KCNH5: variants seen among roughly 807,000 people sequenced by gnomAD.
The protein encoded by KCNH5 is potassium voltage-gated channel subfamily H member 5, also known as voltage-gated delayed rectifier potassium channel KCNH5.
In KCNH5, 46 loss-of-function variants were observed where a neutral mutation model predicts 96.1. That is an observed-to-expected ratio of 0.48 (90% CI 0.38 to 0.61). The LOEUF is 0.61. Ranked by LOEUF, KCNH5 falls within the 20% of genes least tolerant of loss-of-function variation. KCNH5 has a pLI of 0.00. For synonymous variants in KCNH5, 439 were observed against 449.8 expected (o/e 0.98, Z 0.30); for missense variants, 907 against 1,225.8 (o/e 0.74, Z 3.88).
At chr14:63,032,101 C>CAAA (rs33955186) in intron 1 of KCNH5, among the ~76,000 whole-genome samples, 1 of 87,534 alleles carries the variant, frequency 1.1e-5, no homozygotes, top group Admixed American at 1.2e-4. Flanking sequence ...AAGGACTTCA[C>CAAA]AAAAAAAAAA....
At chr14:62,966,835 C>T (rs1890313860) in intron 6 of KCNH5, among the ~76,000 whole-genome samples, 1 of 152,124 alleles carries the variant, frequency 6.6e-6, no homozygotes, top group African/African-American at 2.4e-5. Context: ...TAATAAAGCC[C>T]ACTCCCCTAG....
At chr14:62,912,352 C>A (rs115812416) in intron 7 of KCNH5, among the ~76,000 whole-genome samples, 1,670 of 151,994 alleles carry the variant, frequency 0.011, 44 homozygotes, top group African/African-American at 0.038. Context: ...AAATCAGAAT[C>A]CAGTCTGCTA....
chr14:62,767,653 T>C (rs1321721787), intron 10 of KCNH5, among the ~76,000 whole-genome samples: 2 of 152,060 alleles, frequency 1.3e-5, no homozygotes, highest in South Asian at 2.1e-4. Flanking sequence ...AAGGGAACAA[T>C]AGACACCAGA....
At chr14:62,853,472 T>G (rs1279748503) in intron 7 of KCNH5, among the ~76,000 whole-genome samples, 4 of 112,884 alleles carry the variant, frequency 3.5e-5, no homozygotes, top group Admixed American at 1.7e-4. Flanking sequence ...TATATATATA[T>G]ATATATATCA....
At chr14:63,000,338 G>T (rs1046568851) in intron 4 of KCNH5, among the ~76,000 whole-genome samples, 1 of 152,088 alleles carries the variant, frequency 6.6e-6, no homozygotes, top group African/African-American at 2.4e-5. Flanking sequence ...TACTTCTAAG[G>T]TTATTTGAAA....
At chr14:62,965,005 T>C (rs144950476) in intron 6 of KCNH5, among the ~76,000 whole-genome samples, 2 of 152,230 alleles carry the variant, frequency 1.3e-5, no homozygotes, top group African/African-American at 4.8e-5. Flanking sequence ...TTTATGAAGA[T>C]AGGGAAGGAT....
At chr14:62,979,040 C>T (rs928555673) in intron 6 of KCNH5, among the ~76,000 whole-genome samples, 1 of 152,036 alleles carries the variant, frequency 6.6e-6, no homozygotes, top group East Asian at 1.9e-4. Flanking sequence ...TGTATTCTTC[C>T]ACCATCTCTC....
intron 4 of KCNH5, among the ~76,000 whole-genome samples, chr14:62,992,742 A>G (rs1288615313): frequency 6.6e-6 from 1 of 151,964 alleles, no homozygotes. Context: ...TAGTTTGCAG[A>G]TACTTTCTTC....
At chr14:62,799,060 C>T (rs1886595448) in intron 9 of KCNH5, among the ~76,000 whole-genome samples, 1 of 152,224 alleles carries the variant, frequency 6.6e-6, no homozygotes, top group South Asian at 2.1e-4. Flanking sequence ...AGATTAAAAG[C>T]AAAGAGCATT....
intron 7 of KCNH5, among the ~76,000 whole-genome samples, chr14:62,892,166 A>G (rs1306470845): frequency 1.3e-5 from 2 of 152,250 alleles, no homozygotes; most frequent in Non-Finnish European, 2.9e-5. Context: ...CCAAGTTGTG[A>G]ATGCAAAGGA....
chr14:62,746,633 T>C lies in KCNH5; in HGVS notation c.2019+33095A>G, dbSNP rs116789669. 6.1e-3 allele frequency among the ~76,000 whole-genome samples: 929 copies of C among 152,338 alleles called. 6 individuals are homozygous for C. Among genetic ancestry groups the C allele is most frequent in the African/African-American group, 0.021 (884 of 41,578 alleles). On this transcript the variant is annotated intron_variant, in intron 10 of 10. Transcript: ENST00000322893. ...TTTCTCTAATTCATGAGCTGCTCTT[T>C]TAAAATGACAGTTCTCTCTTCCTGT...
At chr14:62,927,941 T>C (rs1462962968) in intron 7 of KCNH5, among the ~76,000 whole-genome samples, 1 of 152,142 alleles carries the variant, frequency 6.6e-6, no homozygotes, top group Admixed American at 6.6e-5. Context: ...AAAACATTAA[T>C]AGCTCTAAAT....
At chr14:62,885,603 A>G (rs1023550604) in intron 7 of KCNH5, among the ~76,000 whole-genome samples, 1 of 152,244 alleles carries the variant, frequency 6.6e-6, no homozygotes, top group Non-Finnish European at 1.5e-5. Context: ...ATGTTTTCTA[A>G]ACACCTCCTA....
chr14:62,741,369 C>T (rs1885267777), intron 10 of KCNH5, among the ~76,000 whole-genome samples: 1 of 152,142 alleles, frequency 6.6e-6, no homozygotes, highest in South Asian at 2.1e-4. Flanking sequence ...TAACTTCTAA[C>T]TCTGTGATAC....
chr14:62,816,402 G>A (rs1886979636), intron 8 of KCNH5, among the ~76,000 whole-genome samples: 2 of 151,884 alleles, frequency 1.3e-5, no homozygotes, highest in African/African-American at 2.4e-5. Flanking sequence ...CTTTCAAAGA[G>A]TACAAGCTCT....
chr14:62,812,604 T>G (rs1339031137), intron 8 of KCNH5, among the ~76,000 whole-genome samples: 1 of 147,970 alleles, frequency 6.8e-6, no homozygotes, highest in African/African-American at 2.4e-5. Flanking sequence ...CTAAATATGA[T>G]AATTAACAGA....
intron 7 of KCNH5, among the ~76,000 whole-genome samples, chr14:62,907,480 G>T (rs1274384830): frequency 1.3e-5 from 2 of 152,114 alleles, no homozygotes; most frequent in Non-Finnish European, 2.9e-5. Flanking sequence ...TGGTCTCATT[G>T]ACAACTTCAT....
chr14:62,901,098 C>A (rs1357224557), intron 7 of KCNH5, among the ~76,000 whole-genome samples: 1 of 152,172 alleles, frequency 6.6e-6, no homozygotes, highest in African/African-American at 2.4e-5. Context: ...AAGCACTACT[C>A]CTGCCTCAGC....
chr14:62,830,461 A>G (rs1175996579), intron 8 of KCNH5, among the ~76,000 whole-genome samples: 1 of 152,158 alleles, frequency 6.6e-6, no homozygotes, highest in Non-Finnish European at 1.5e-5. Flanking sequence ...CTGCATGCTG[A>G]GGAGGCCTCA....
Sources: allele counts gnomAD v4.1 joint callset (sites outside exome capture counted in the v4.1 genomes callset), GRCh38; gene constraint gnomAD v4.1.1; transcripts MANE v1.5; gene names NCBI Gene and HGNC (gene_info 2026-07-23, HGNC 2026-07-21).